CPNE8: variants seen among roughly 807,000 people sequenced by gnomAD.
CPNE8 encodes copine-8.
In CPNE8, 45 loss-of-function variants were observed where a neutral mutation model predicts 81.5. The observed-to-expected ratio is 0.55, with a 90% CI of 0.44 to 0.71. CPNE8 has a LOEUF of 0.71. CPNE8 is among the 30% of genes least tolerant of loss of function. The pLI is 0.00. For synonymous variants in CPNE8, 252 were observed against 226.3 expected (o/e 1.11, Z -1.02); for missense variants, 594 against 672.1 (o/e 0.88, Z 1.28).
chr12:38,772,096 G>C (rs1219222236), intron 7 of CPNE8, among the ~76,000 whole-genome samples: 2 of 152,118 alleles, frequency 1.3e-5, no homozygotes, highest in Admixed American at 1.3e-4. Flanking sequence ...ATTCTATTAA[G>C]AGTGGGTTTT....
intron 12 of CPNE8, 71 bp from the exon 13 acceptor site, chr12:38,723,904 G>C: frequency 1.2e-6 from 1 of 851,216 alleles, no homozygotes; most frequent in East Asian, 2.4e-5. Flanking sequence ...AATTATTAGA[G>C]AGAAAATCAT....
chr12:38,763,188 G>A (rs1454342342), intron 8 of CPNE8, among the ~76,000 whole-genome samples: 2 of 152,196 alleles, frequency 1.3e-5, no homozygotes, highest in Admixed American at 6.5e-5. Context: ...GGTGAGAGTA[G>A]ATGGGATCCT....
At position 38,819,548 on chromosome 12, in the gene CPNE8, A is replaced by C. The variant is rs112123943; in HGVS notation, c.407+9831T>G. Among the ~76,000 whole-genome samples, 467 of 152,178 alleles carry C rather than the reference A, an allele frequency of 3.1e-3. 6 individuals are homozygous for C. The highest frequency in any genetic ancestry group is 0.01 in the African/African-American group (432 of 41,538). On this transcript the variant is annotated intron_variant, in intron 6 of 19. Transcript: ENST00000331366. ...TTTGGGAGGCCGAGGCAGGCGGATC[A>C]CAAGGTCAGGAGATCGAGACCATCC...
intron 6 of CPNE8, among the ~76,000 whole-genome samples, chr12:38,794,837 G>T (rs1415611506): frequency 1.3e-5 from 2 of 152,148 alleles, no homozygotes; most frequent in Non-Finnish European, 2.9e-5. Flanking sequence ...GTCTGTGAGG[G>T]TGTTGCCAAA....
At chr12:38,709,057 G>A (rs749729997) in intron 13 of CPNE8, among the ~76,000 whole-genome samples, 13 of 152,112 alleles carry the variant, frequency 8.5e-5, no homozygotes, top group Non-Finnish European at 1.9e-4. Context: ...AAATGTAGTT[G>A]GGATGCCCAC....
At chr12:38,759,599 A>G (rs1381766822) in intron 10 of CPNE8, among the ~76,000 whole-genome samples, 1 of 152,194 alleles carries the variant, frequency 6.6e-6, no homozygotes, top group Non-Finnish European at 1.5e-5. Context: ...TCAGTGTTAT[A>G]ACTCTTTTTC....
intron 1 of CPNE8, among the ~76,000 whole-genome samples, chr12:38,881,090 T>A (rs561332821): frequency 9.2e-5 from 14 of 151,858 alleles, no homozygotes; most frequent in Admixed American, 9.2e-4. Flanking sequence ...GGCGCCTTCA[T>A]TCCCGGCTAC....
chr12:38,856,946 A>G (rs549769481), intron 3 of CPNE8, among the ~76,000 whole-genome samples: 1 of 151,716 alleles, frequency 6.6e-6, no homozygotes, highest in Non-Finnish European at 1.5e-5. Flanking sequence ...TAACTGCACT[A>G]TACTATGAGT....
chr12:38,741,055 T>C (rs1346553888), intron 10 of CPNE8, among the ~76,000 whole-genome samples: 1 of 152,094 alleles, frequency 6.6e-6, no homozygotes, highest in East Asian at 1.9e-4. Context: ...TGGAAGAACA[T>C]TCCATGCTCA....
At chr12:38,889,864 T>C (rs1223219963) in intron 1 of CPNE8, among the ~76,000 whole-genome samples, 1 of 152,162 alleles carries the variant, frequency 6.6e-6, no homozygotes, top group African/African-American at 2.4e-5. Flanking sequence ...GAAGTTTTAC[T>C]GGGGTATTGG....
chr12:38,784,671 G>A (rs1459704769), intron 6 of CPNE8, among the ~76,000 whole-genome samples: 1 of 152,078 alleles, frequency 6.6e-6, no homozygotes, highest in Non-Finnish European at 1.5e-5. Context: ...AATATGTCCG[G>A]CAGCAGACTT....
chr12:38,716,330 C>A (rs1940390694), intron 13 of CPNE8, among the ~76,000 whole-genome samples: 1 of 151,908 alleles, frequency 6.6e-6, no homozygotes, highest in Non-Finnish European at 1.5e-5. Context: ...AGAGAGAGCT[C>A]ACATAGTTAA....
chr12:38,696,369 T>C (rs183792327), intron 14 of CPNE8, among the ~76,000 whole-genome samples: 275 of 142,282 alleles, frequency 1.9e-3, no homozygotes, highest in African/African-American at 6.4e-3. Context: ...TTGTGTTCTA[T>C]ACTAAAAAAA....
chr12:38,890,647 A>T (rs78491400), intron 1 of CPNE8, among the ~76,000 whole-genome samples: 8,074 of 152,082 alleles, frequency 0.053, 687 homozygotes, highest in African/African-American at 0.18. Flanking sequence ...AGGCCACCAA[A>T]CAGCTCTTCT....
At chr12:38,706,406 T>G (rs1241447088) in intron 13 of CPNE8, among the ~76,000 whole-genome samples, 1 of 152,228 alleles carries the variant, frequency 6.6e-6, no homozygotes, top group East Asian at 1.9e-4. Context: ...ACACTGAATT[T>G]TATCCATTGA....
chr12:38,816,300 T>C (rs1254117693), intron 6 of CPNE8, among the ~76,000 whole-genome samples: 1 of 152,220 alleles, frequency 6.6e-6, no homozygotes, highest in East Asian at 1.9e-4. Flanking sequence ...ACTCTTACTA[T>C]TTACAAGGCA....
intron 19 of CPNE8, among the ~76,000 whole-genome samples, chr12:38,655,921 G>C (rs1938804994): frequency 6.6e-6 from 1 of 151,408 alleles, no homozygotes; most frequent in South Asian, 2.1e-4. Flanking sequence ...TATTTAAAAG[G>C]TGACATATCT....
intron 1 of CPNE8, among the ~76,000 whole-genome samples, chr12:38,897,978 C>T (rs1944411398): frequency 6.6e-6 from 1 of 152,116 alleles, no homozygotes; most frequent in Non-Finnish European, 1.5e-5. Flanking sequence ...TAATCTAGCC[C>T]TACACCCACG....
At chr12:38,768,086 A>T (rs866395414) in intron 7 of CPNE8, among the ~76,000 whole-genome samples, 3 of 151,798 alleles carry the variant, frequency 2.0e-5, no homozygotes, top group Admixed American at 6.6e-5. Context: ...GAACATAGTT[A>T]AAAAAATTCC....
Sources: gnomAD v4.1 joint callset for allele counts (sites outside exome capture counted in the v4.1 genomes callset) on GRCh38, gnomAD v4.1.1 for gene constraint, MANE v1.5 for transcripts, NCBI Gene and HGNC (gene_info 2026-07-23, HGNC 2026-07-21) for gene names.